The following CARMIL1 variants were observed in gnomAD, a reference collection of about 807,000 sequenced individuals.
CARMIL1 encodes capping protein regulator and myosin 1 linker 1.
Under a neutral mutation model 177.1 loss-of-function variants are expected in CARMIL1, and 90 were observed. The observed-to-expected ratio is 0.51, with a 90% CI of 0.43 to 0.61. The LOEUF (loss-of-function observed/expected upper bound fraction) is 0.61, where lower values mean the gene tolerates loss of function less well. CARMIL1 is among the 20% of genes least tolerant of loss of function. The pLI, the probability that CARMIL1 is intolerant of heterozygous loss-of-function variation, is 0.00. For synonymous variants in CARMIL1, 577 were observed against 606.2 expected, an observed-to-expected ratio of 0.95 and a Z score of 0.71; for missense variants, 1,380 against 1,667.0, an observed-to-expected ratio of 0.83 and a Z score of 3.00.
chr6:25,431,469 T>C (rs1338077823), intron 4 of CARMIL1, among the ~76,000 whole-genome samples: 1 of 152,078 alleles, frequency 6.6e-6, no homozygotes, highest in African/African-American at 2.4e-5. Context: ...CAGCAACATA[T>C]GTTTGCCCAA....
rs572236115 is a variant in CARMIL1 at position 25,588,355 on chromosome 6, AGGGGACACTAC to A, written c.3007-6059_3007-6049del. Among the ~76,000 whole-genome samples, 143 of 152,336 alleles carry A rather than the reference AGGGGACACTAC, an allele frequency of 9.4e-4. 1 individual carries two copies. The highest frequency in any genetic ancestry group is 3.5e-3 in the Admixed American group (53 of 15,306). On this transcript the variant is annotated intron_variant, in intron 31 of 36. Transcript: ENST00000329474. The stretch of plus-strand genomic sequence containing the variant: ...TAGTCCATTATGGGTATTTCTGGCC[AGGGGACACTAC>A]AGTTGTCAGGGATCCAGGCTACTTT...
chr6:25,351,456 G>A (rs1788096134), intron 2 of CARMIL1, among the ~76,000 whole-genome samples: 1 of 152,234 alleles, frequency 6.6e-6, no homozygotes, highest in Non-Finnish European at 1.5e-5. Context: ...GCAGCCTGTT[G>A]TCTAGATCTT....
At chr6:25,459,275 T>TTTCTTTCTTTCTTTCTTTCTTTC (rs1554200922) in intron 8 of CARMIL1, among the ~76,000 whole-genome samples, 8 of 141,426 alleles carry the variant, frequency 5.7e-5, no homozygotes, top group Non-Finnish European at 6.2e-5. Context: ...TCTTTTTTTT[T>TTTCTTTCTTTCTTTCTTTCTTTC]TTTTTAAGAC....
intron 2 of CARMIL1, among the ~76,000 whole-genome samples, chr6:25,286,285 A>T (rs1265940401): frequency 6.6e-6 from 1 of 152,202 alleles, no homozygotes; most frequent in Non-Finnish European, 1.5e-5. Context: ...TAACTCCAGG[A>T]TATGTGATTG....
chr6:25,495,537 TCGTGTGTG>T (rs1026773245), intron 16 of CARMIL1, among the ~76,000 whole-genome samples: 3 of 90,270 alleles, frequency 3.3e-5, no homozygotes, highest in African/African-American at 1.1e-4. Flanking sequence ...ATTCGTTTGT[TCGTGTGTG>T]TGTGTGTGTG....
At position 25,482,132 on chromosome 6, in the gene CARMIL1, T is replaced by C; in HGVS notation, c.875-125T>C. 4 of 618,136 alleles carry C rather than the reference T, an allele frequency of 6.5e-6. No homozygotes were observed. In the South Asian group the frequency reaches 7.8e-5, roughly 12 times the overall value. 38.3% of individuals were successfully genotyped at this position (618,136 alleles called of 1,614,324 possible). A position where few individuals can be genotyped will look rare whatever the true frequency, so the allele number is the denominator to read the frequency against. The stretch of plus-strand genomic sequence containing the variant: ...GATGGTAAATGTTTAGAAAACAAAG[T>C]CTGATATTAGAAAGAAAAATATGAT... On this transcript the variant is annotated intron_variant, in intron 11 of 36. Coordinates refer to ENST00000329474, the MANE Select transcript of CARMIL1 (RefSeq NM_017640.6).
intron 28 of CARMIL1, among the ~76,000 whole-genome samples, chr6:25,555,130 A>C (rs913463428): frequency 2.0e-5 from 3 of 152,186 alleles, no homozygotes; most frequent in African/African-American, 7.2e-5. Flanking sequence ...ATATGAAAAA[A>C]TATAGTTTTT....
chr6:25,450,210 T>C, intron 6 of CARMIL1, 129 bp from the exon 7 acceptor site: 1 of 751,732 alleles, frequency 1.3e-6, no homozygotes. Context: ...GGAGAATCTT[T>C]GCTGTTTTCC....
rs570749893 is a variant in CARMIL1, at chr6:25,366,176, T to A, written c.139-53938T>A. Among the ~76,000 whole-genome samples, 731 of 149,860 alleles carry A rather than the reference T, an allele frequency of 4.9e-3. 6 individuals carry two copies. Among genetic ancestry groups the A allele is most frequent in the African/African-American group, 0.017 (690 of 40,908 alleles). ...CCTGGCTAATTAAAAAAAAAAAAAA[T>A]TGTAGAGATGTGCTCTCACTGTGTT... is the stretch of plus-strand genomic sequence containing the variant. On this transcript the variant is annotated intron_variant, in intron 2 of 36. Transcript: ENST00000329474.
intron 35 of CARMIL1, among the ~76,000 whole-genome samples, chr6:25,609,315 A>C (rs183751893): frequency 2.2e-4 from 34 of 152,154 alleles, no homozygotes; most frequent in African/African-American, 8.2e-4. Flanking sequence ...AAATACAAAA[A>C]ATTAGCCTGG....
At position 25,509,723 on chromosome 6, in the gene CARMIL1, A is replaced by T; in HGVS notation, c.1463A>T (p.Asp488Val). 1.3e-6 allele frequency: 2 copies of T among 1,594,336 alleles called. No homozygotes were observed. The highest frequency in any genetic ancestry group is 1.7e-6 in the Non-Finnish European group (2 of 1,168,810). The change falls in exon 18 of 37, where the codon GAC becomes GTC. Residue 488 changes from aspartate (D) to valine (V), a missense_variant. Coordinates refer to ENST00000329474, the MANE Select transcript of CARMIL1 (RefSeq NM_017640.6). This position sits in a 1 kb window ranked among gnomAD's most constrained non-coding sequence, Gnocchi z 4.1. The stretch of plus-strand genomic sequence containing the variant: ...GAAATACACAACATCACCAGCTTAG[A>T]CATCTCTGACAATGGTAAGTCAGAT... ...IAEIHNITSL[D>V]ISDNGLESDL...
At chr6:25,479,847 A>G (rs1056612340) in intron 11 of CARMIL1, among the ~76,000 whole-genome samples, 1 of 152,112 alleles carries the variant, frequency 6.6e-6, no homozygotes, top group Non-Finnish European at 1.5e-5. Flanking sequence ...TTTTAATACC[A>G]TAGTTTTTAG....
chr6:25,546,668 A>AC (rs1491363991), intron 26 of CARMIL1, among the ~76,000 whole-genome samples: 3 of 76,164 alleles, frequency 3.9e-5, no homozygotes, highest in Admixed American at 2.4e-4. Context: ...AACAACAACA[A>AC]CAAAAAAAAA....
chr6:25,601,222 A>T (rs958051047), intron 33 of CARMIL1, among the ~76,000 whole-genome samples: 6 of 152,350 alleles, frequency 3.9e-5, no homozygotes, highest in South Asian at 2.1e-4. Context: ...AAGAACCTGG[A>T]GCACAGACCC....
chr6:25,594,342 T>A (rs1403323315), intron 31 of CARMIL1, 73 bp from the exon 32 acceptor site: 1 of 948,312 alleles, frequency 1.1e-6, no homozygotes, highest in African/African-American at 1.6e-5. Context: ...AATCACAGTG[T>A]CTTAAATCTA....
intron 27 of CARMIL1, among the ~76,000 whole-genome samples, chr6:25,552,757 G>T (rs1228658740): frequency 6.6e-6 from 1 of 152,146 alleles, no homozygotes; most frequent in Non-Finnish European, 1.5e-5. Flanking sequence ...CACTTTCAGA[G>T]AGAAGGAGAG....
chr6:25,456,950 C>T (rs574157284), intron 8 of CARMIL1, among the ~76,000 whole-genome samples: 2 of 150,282 alleles, frequency 1.3e-5, no homozygotes, highest in East Asian at 3.9e-4. Flanking sequence ...GTCCTAAGGA[C>T]ACTGCTGTCA....
At chr6:25,289,816 C>G (rs1052106538) in intron 2 of CARMIL1, among the ~76,000 whole-genome samples, 4 of 152,176 alleles carry the variant, frequency 2.6e-5, no homozygotes, top group Non-Finnish European at 5.9e-5. Flanking sequence ...TTGGTTTAGC[C>G]ATTGGCTAGT....
At chr6:25,438,848 A>T (rs1487688544) in intron 5 of CARMIL1, among the ~76,000 whole-genome samples, 1 of 148,596 alleles carries the variant, frequency 6.7e-6, no homozygotes, top group African/African-American at 2.5e-5. Context: ...TAGTTTATGA[A>T]AATCTTTTTT....
Sources: gnomAD v4.1 joint callset for allele counts (sites outside exome capture counted in the v4.1 genomes callset) on GRCh38, gnomAD v4.1.1 for gene constraint, Gnocchi (gnomAD v3.1) non-coding constraint, MANE v1.5 for transcripts, NCBI Gene and HGNC (gene_info 2026-07-23, HGNC 2026-07-21) for gene names.